Variants in CACNA1A observed in about 807,000 individuals in gnomAD.
CACNA1A encodes voltage-dependent P/Q-type calcium channel subunit alpha-1A.
A neutral mutation model predicts 262.4 loss-of-function variants in CACNA1A; 57 were observed. The observed-to-expected ratio is 0.22, with a 90% CI of 0.18 to 0.27. The LOEUF is 0.27. CACNA1A is among the 10% of genes least tolerant of loss of function. The pLI is 1.00. For synonymous variants in CACNA1A, 1,431 were observed against 1,419.3 expected, an observed-to-expected ratio of 1.01 and a Z score of -0.18; for missense variants, 2,526 against 3,562.8, an observed-to-expected ratio of 0.71 and a Z score of 7.41.
chr19:13,317,328 G>T lies in CACNA1A; in HGVS notation c.1346-7C>A, dbSNP rs754052378. On this transcript the variant is annotated splice_polypyrimidine_tract_variant and splice_region_variant and intron_variant, in intron 10 of 46. Coordinates refer to ENST00000360228, the MANE Select transcript of CACNA1A (RefSeq NM_001127222.2). Reference sequence around the variant, plus strand: ...GCTCGGGCGAAGGGAGAACCTGCCAGGGAAAAGATGGAGAATGTCAGGCTC... The same window carrying T: ...GCTCGGGCGAAGGGAGAACCTGCCATGGAAAAGATGGAGAATGTCAGGCTC... 1.0e-5 allele frequency: 16 copies of T among 1,593,196 alleles called. No individual in the cohort carries two copies. Among genetic ancestry groups the T allele is most frequent in the Non-Finnish European group, 1.3e-5 (15 of 1,162,920 alleles).
intron 5 of CACNA1A, chr19:13,362,220 C>T (rs2059123719): frequency 1.3e-5 from 2 of 152,000 alleles, no homozygotes; most frequent in Admixed American, 6.6e-5. Context: ...TATTTTGAGA[C>T]AAAATCTCAC....
intron 44 of CACNA1A, 30 bp from the exon 45 acceptor site, chr19:13,209,528 G>T (rs1165100408): frequency 7.8e-7 from 1 of 1,279,716 alleles, no homozygotes; most frequent in Non-Finnish European, 1.0e-6. Context: ...GGTGGGCTGG[G>T]GTCAGCAGCT....
At chr19:13,279,538 T>C (rs1188432684) in intron 22 of CACNA1A, among the ~76,000 whole-genome samples, 2 of 152,096 alleles carry the variant, frequency 1.3e-5, no homozygotes, top group African/African-American at 4.8e-5. Flanking sequence ...CAGGCTGGAG[T>C]GCAGTGGCAC....
intron 19 of CACNA1A, among the ~76,000 whole-genome samples, chr19:13,288,829 G>A (rs1312294782): frequency 6.6e-6 from 1 of 152,130 alleles, no homozygotes; most frequent in East Asian, 1.9e-4. Flanking sequence ...TCCCCAGAGG[G>A]CTTCCCACTG....
intron 10 of CACNA1A, 60 bp downstream of exon 10, chr19:13,330,181 CCCA>C: frequency 1.6e-6 from 2 of 1,242,178 alleles, no homozygotes; most frequent in South Asian, 2.6e-5. Flanking sequence ...CTGCCCCCAC[CCCA>C]CCATGTCTCT....
At chr19:13,489,014 T>C (rs1266099081) in intron 1 of CACNA1A, among the ~76,000 whole-genome samples, 5 of 125,368 alleles carry the variant, frequency 4.0e-5, no homozygotes, top group African/African-American at 1.4e-4. Context: ...TTTTTTTTTT[T>C]TTTTTTTTTT....
At chr19:13,356,305 G>A (rs2059006773) in intron 6 of CACNA1A, among the ~76,000 whole-genome samples, 1 of 152,202 alleles carries the variant, frequency 6.6e-6, no homozygotes, top group African/African-American at 2.4e-5. Flanking sequence ...TAGTCCTCGT[G>A]CCTTGTGAGG....
At chr19:13,348,754 T>G (rs905975554) in intron 6 of CACNA1A, among the ~76,000 whole-genome samples, 8 of 152,114 alleles carry the variant, frequency 5.3e-5, no homozygotes, top group African/African-American at 1.7e-4. Context: ...GGGAATCACT[T>G]GAACCTGGGA....
At chr19:13,442,764 C>T (rs2060747083) in intron 3 of CACNA1A, among the ~76,000 whole-genome samples, 1 of 152,210 alleles carries the variant, frequency 6.6e-6, no homozygotes, top group South Asian at 2.1e-4. Context: ...TCTCTCATTT[C>T]TTGAAATCTC....
intron 3 of CACNA1A, among the ~76,000 whole-genome samples, chr19:13,406,337 C>T (rs1015893510): frequency 5.3e-5 from 8 of 150,230 alleles, no homozygotes; most frequent in Admixed American, 4.0e-4. Flanking sequence ...TGCCTGTAAT[C>T]GCAGCTACTT....
chr19:13,228,151 T>A (rs2055535481), intron 36 of CACNA1A, among the ~76,000 whole-genome samples: 1 of 151,970 alleles, frequency 6.6e-6, no homozygotes, highest in Non-Finnish European at 1.5e-5. Flanking sequence ...CAAGCGATCC[T>A]CCTGCTTTGG....
intron 1 of CACNA1A, among the ~76,000 whole-genome samples, chr19:13,471,768 G>A (rs753202137): frequency 1.3e-5 from 2 of 152,264 alleles, no homozygotes; most frequent in South Asian, 2.1e-4. Context: ...CAGGAGTGGT[G>A]GGGGTTGGGG....
intron 3 of CACNA1A, chr19:13,451,316 G>C (rs2060910618): frequency 6.6e-6 from 1 of 152,346 alleles, no homozygotes; most frequent in South Asian, 2.1e-4. Flanking sequence ...CGCCAAGAGA[G>C]ACAGAACCTG....
chr19:13,415,846 G>C (rs2060211749), intron 3 of CACNA1A, among the ~76,000 whole-genome samples: 2 of 150,748 alleles, frequency 1.3e-5, no homozygotes, highest in South Asian at 4.2e-4. Context: ...CAGAGGGACT[G>C]AGGGAGCTGT....
At chr19:13,406,465 T>TTTTATATATATA (rs1555781801) in intron 3 of CACNA1A, among the ~76,000 whole-genome samples, 3 of 31,548 alleles carry the variant, frequency 9.5e-5, no homozygotes, top group African/African-American at 2.2e-4. Context: ...AAAAAAAAAA[T>TTTTATATATATA]TATATATATA....
At chr19:13,486,964 C>G (rs1980082393) in intron 1 of CACNA1A, among the ~76,000 whole-genome samples, 1 of 152,168 alleles carries the variant, frequency 6.6e-6, no homozygotes, top group African/African-American at 2.4e-5. Flanking sequence ...GGTGGCTACC[C>G]TGTGCTGGAC....
At chr19:13,298,020 A>G (rs915713655) in intron 19 of CACNA1A, among the ~76,000 whole-genome samples, 5 of 151,748 alleles carry the variant, frequency 3.3e-5, no homozygotes, top group African/African-American at 1.2e-4. Context: ...ACGGGGTTTC[A>G]CTATGTTGGC....
At chr19:13,415,304 T>A (rs1463548463) in intron 3 of CACNA1A, among the ~76,000 whole-genome samples, 2 of 152,040 alleles carry the variant, frequency 1.3e-5, no homozygotes, top group Non-Finnish European at 2.9e-5. Context: ...AATCCCTGCA[T>A]ATTTTTCTCA....
chr19:13,445,854 G>A (rs2060800415), intron 3 of CACNA1A, among the ~76,000 whole-genome samples: 2 of 152,120 alleles, frequency 1.3e-5, no homozygotes, highest in Admixed American at 6.6e-5. Context: ...AGATGTCCGG[G>A]GTAAGATCTT....
Sources: allele counts gnomAD v4.1 joint callset (sites outside exome capture counted in the v4.1 genomes callset), GRCh38; gene constraint gnomAD v4.1.1; transcripts MANE v1.5; gene names NCBI Gene and HGNC (gene_info 2026-07-23, HGNC 2026-07-21).